The following AKR1C8 variants were observed in gnomAD, a reference collection of about 807,000 sequenced individuals.
AKR1C8 encodes the protein aldo-keto reductase family 1 member C-like protein 1.
At chr10:5,129,070 C>T in the AKR1C8 span, among the ~76,000 whole-genome samples, 59,633 of 151,896 alleles carry the variant, frequency 0.39, 12,511 homozygotes, top group Non-Finnish European at 0.43. Flanking sequence ...ATCCAAATTA[C>T]ATCAAGTATC....
At chr10:5,127,973 C>T in the AKR1C8 span, among the ~76,000 whole-genome samples, 1 of 152,052 alleles carries the variant, frequency 6.6e-6, no homozygotes, top group Non-Finnish European at 1.5e-5. Context: ...CACCAAGTCA[C>T]ATAGTCATGA....
the AKR1C8 span, among the ~76,000 whole-genome samples, chr10:5,167,048 G>C: frequency 2.6e-5 from 4 of 152,244 alleles, no homozygotes; most frequent in Admixed American, 2.6e-4. Context: ...CATCATCACT[G>C]GTCATCAGAG....
chr10:5,120,593 C>T, the AKR1C8 span, among the ~76,000 whole-genome samples: 1 of 151,990 alleles, frequency 6.6e-6, no homozygotes, highest in Non-Finnish European at 1.5e-5. Context: ...TGAATAGGGT[C>T]ACAGAGATGA....
chr10:5,162,519 A>G, the AKR1C8 span, among the ~76,000 whole-genome samples: 1 of 152,170 alleles, frequency 6.6e-6, no homozygotes, highest in African/African-American at 2.4e-5. Context: ...CACTTTTCTG[A>G]TTAATATGTG....
the AKR1C8 span, among the ~76,000 whole-genome samples, chr10:5,136,459 A>T: frequency 3.1e-4 from 1 of 3,248 alleles, no homozygotes; most frequent in Non-Finnish European, 5.0e-4. Context: ...GAGGCAGGAG[A>T]TAAGTTCAAC....
the AKR1C8 span, among the ~76,000 whole-genome samples, chr10:5,177,170 G>A: frequency 6.6e-6 from 1 of 152,122 alleles, no homozygotes; most frequent in Non-Finnish European, 1.5e-5. Context: ...CTGATTTATT[G>A]AGAGTTTTTA....
chr10:5,128,930 T>C, the AKR1C8 span, among the ~76,000 whole-genome samples: 1 of 151,864 alleles, frequency 6.6e-6, no homozygotes, highest in South Asian at 2.1e-4. Context: ...TAGAAAAAAA[T>C]TACTAAACAG....
chr10:5,130,713 T>G, the AKR1C8 span, among the ~76,000 whole-genome samples: 1 of 151,592 alleles, frequency 6.6e-6, no homozygotes, highest in African/African-American at 2.4e-5. Flanking sequence ...TAGGAACATA[T>G]TTAATCAAAG....
the AKR1C8 span, among the ~76,000 whole-genome samples, chr10:5,134,606 T>C: frequency 6.6e-6 from 1 of 152,186 alleles, no homozygotes; most frequent in Non-Finnish European, 1.5e-5. Context: ...AGGTGAAAGT[T>C]GTACATGGGA....
At chr10:5,146,267 T>C in the AKR1C8 span, among the ~76,000 whole-genome samples, 5 of 151,526 alleles carry the variant, frequency 3.3e-5, no homozygotes, top group Non-Finnish European at 5.9e-5. Flanking sequence ...AGTTAGTGGG[T>C]GCAGCACCAG....
chr10:5,173,362 G>A, the AKR1C8 span, among the ~76,000 whole-genome samples: 2 of 152,070 alleles, frequency 1.3e-5, no homozygotes, highest in African/African-American at 2.4e-5. Flanking sequence ...CCCAGAGAGG[G>A]AGGATGGCAG....
At chr10:5,163,412 CA>C in the AKR1C8 span, among the ~76,000 whole-genome samples, 43 of 152,316 alleles carry the variant, frequency 2.8e-4, 1 homozygote, top group East Asian at 6.4e-3. Context: ...CAAGATTAAG[CA>C]CATTGTTCTA....
At chr10:5,168,875 AC>A in the AKR1C8 span, among the ~76,000 whole-genome samples, 1 of 152,160 alleles carries the variant, frequency 6.6e-6, no homozygotes, top group Non-Finnish European at 1.5e-5. Context: ...TAAAAGACTG[AC>A]AAAAAATCAG....
the AKR1C8 span, among the ~76,000 whole-genome samples, chr10:5,119,266 G>A: frequency 6.6e-6 from 1 of 152,194 alleles, no homozygotes; most frequent in Non-Finnish European, 1.5e-5. Flanking sequence ...AACATGGGTA[G>A]ATGATTAAGA....
the AKR1C8 span, chr10:5,123,267 G>A: frequency 4.2e-5 from 9 of 215,600 alleles, no homozygotes; most frequent in African/African-American, 1.8e-4. Context: ...CCCACCCAAC[G>A]CCTCACCTGC....
the AKR1C8 span, among the ~76,000 whole-genome samples, chr10:5,175,507 G>A: frequency 2.0e-5 from 3 of 152,210 alleles, no homozygotes; most frequent in East Asian, 5.8e-4. Context: ...GGGATGGCTA[G>A]GTCAAATGGT....
chr10:5,164,818 G>A, the AKR1C8 span, among the ~76,000 whole-genome samples: 1 of 152,092 alleles, frequency 6.6e-6, no homozygotes, highest in Admixed American at 6.6e-5. Context: ...TTATCTGAAG[G>A]CTCCTGCACT....
the AKR1C8 span, among the ~76,000 whole-genome samples, chr10:5,177,150 C>T: frequency 6.6e-6 from 1 of 152,024 alleles, no homozygotes; most frequent in Non-Finnish European, 1.5e-5. Flanking sequence ...GAGATGCATC[C>T]CATCAATACC....
chr10:5,175,394 G>C, the AKR1C8 span, among the ~76,000 whole-genome samples: 3 of 152,102 alleles, frequency 2.0e-5, no homozygotes, highest in African/African-American at 7.2e-5. Context: ...ATTTGGGTTA[G>C]TTCCAAGTCT....
Sources: gnomAD v4.1 joint callset for allele counts (sites outside exome capture counted in the v4.1 genomes callset) on GRCh38, gnomAD v4.1.1 for gene constraint, MANE v1.5 for transcripts, NCBI Gene and HGNC (gene_info 2026-07-23, HGNC 2026-07-21) for gene names.